MYO1A: variants seen among roughly 807,000 people sequenced by gnomAD.
The protein encoded by MYO1A is myosin IA.
In MYO1A, 127 loss-of-function variants were observed where a neutral mutation model predicts 138.5. The observed-to-expected ratio is 0.92, with a 90% CI of 0.79 to 1.06. MYO1A has a LOEUF of 1.06. Among genes scored for constraint, MYO1A ranks in the 50% least tolerant of loss-of-function variants. The probability of loss-of-function intolerance (pLI) is 0.00; values close to 1 mark genes in which losing one functional copy is unlikely to be tolerated. For missense variants in MYO1A, 1,211 were observed against 1,288.8 expected (o/e 0.94, Z 0.92); for synonymous variants, 477 against 497.5 (o/e 0.96, Z 0.55).
intron 22 of MYO1A, among the ~76,000 whole-genome samples, chr12:57,033,241 T>C (rs2030370153): frequency 6.6e-6 from 1 of 152,222 alleles, no homozygotes; most frequent in Non-Finnish European, 1.5e-5. Context: ...TATAAACTTC[T>C]AAACATGTCC....
At chr12:57,047,916 A>G in intron 3 of MYO1A, 73 bp downstream of exon 3, 1 of 1,570,948 alleles carries the variant, frequency 6.4e-7, no homozygotes, top group Non-Finnish European at 8.7e-7. Context: ...AGGGGAAGGG[A>G]CAAAGGAAAT....
chr12:57,038,866 A>T lies in MYO1A; in HGVS notation c.1476T>A (p.Arg492=). 2 of 1,614,136 alleles carry T rather than the reference A, an allele frequency of 1.2e-6. No homozygotes were observed. Among genetic ancestry groups the T allele is most frequent in the Non-Finnish European group, 1.7e-6 (2 of 1,180,032 alleles). Residue 492 remains arginine, a synonymous_variant, in exon 16 of 28, where the codon CGT becomes CGA. Coordinates refer to ENST00000300119, the MANE Select transcript of MYO1A (RefSeq NM_005379.4). ...TGAGGCCCATGGTGTGGTCATACTGACGCTGGGCATTCTGGGTGACTTTGC... is the reference window on the plus strand; with the variant it reads ...TGAGGCCCATGGTGTGGTCATACTGTCGCTGGGCATTCTGGGTGACTTTGC... ...YESKVTQNAQ[R]QYDHTMGLSC... is the part of the protein sequence containing the mutation.
intron 1 of MYO1A, 101 bp downstream of exon 1, chr12:57,049,786 T>C (rs1041533011): frequency 3.9e-5 from 6 of 152,088 alleles, no homozygotes; most frequent in Admixed American, 1.3e-4. Flanking sequence ...GGAGTGGGAA[T>C]GTGACTGGTT....
rs767694044 is a variant in MYO1A at position 57,037,965 on chromosome 12, C to T, written c.1865G>A (p.Arg622Gln). The T allele has an allele frequency of 2.5e-6, 4 of 1,614,016 alleles. No individual in the cohort carries two copies. The highest frequency in any genetic ancestry group is 2.2e-5 in the East Asian group (1 of 44,890). ...ACCCTGGCGGTGGGCATAGCCTGCC[C>T]GTCGCACCCGTACGTTCTCCAGCAG... ...LGLLENVRVR[R>Q]AGYAHRQGYG... Residue 622 changes from arginine to glutamine, a missense_variant, in exon 18 of 28, where the codon CGG (arginine) becomes CAG (glutamine). Physicochemically the swap from Arg to Gln is conservative, Grantham distance 43 (BLOSUM62 1). Coordinates refer to ENST00000300119, the MANE Select transcript of MYO1A (RefSeq NM_005379.4).
At chr12:57,041,869 A>C (rs1373834062) in intron 12 of MYO1A, among the ~76,000 whole-genome samples, 1 of 152,206 alleles carries the variant, frequency 6.6e-6, no homozygotes, top group African/African-American at 2.4e-5. Flanking sequence ...ACAGATAACA[A>C]AGTCAAATTT....
In MYO1A at chr12:57,041,441, C is replaced by A. The variant is rs61753849; in HGVS notation, c.1155G>T (p.Glu385Asp). ...VMGVLDIYGFEILEDNSFEQF... is the reference protein window; with the variant it reads ...VMGVLDIYGFDILEDNSFEQF... ...GGTGAGGCACTCTCACCTCTAATAT[C>A]TCAAAACCGTAGATATCAAGGACTC... The change falls in exon 13 of 28, where the codon GAG (glutamate) becomes GAT (aspartate). Residue 385 changes from glutamate to aspartate, a missense_variant. Transcript: ENST00000300119. The A allele has an allele frequency of 1.1e-4, 176 of 1,613,446 alleles. No homozygotes were observed. The highest frequency in any genetic ancestry group is 1.4e-4 in the Non-Finnish European group (164 of 1,179,536).
upstream of MYO1A, chr12:57,050,915 C>A (rs2031312653): frequency 1.3e-5 from 2 of 152,198 alleles, 1 homozygote; most frequent in Non-Finnish European, 2.9e-5. Flanking sequence ...GAATGCAGCT[C>A]CCTAAGTTTG....
Position 57,036,351 on chromosome 12 carries a change from A to T in MYO1A, c.2305T>A (p.Ser769Thr). 6.2e-7 allele frequency: 1 copy of T among 1,613,914 alleles called. No individual in the cohort carries two copies. The highest frequency in any genetic ancestry group is 1.3e-5 in the African/African-American group (1 of 75,046). Residue 769 changes from serine (S) to threonine (T), a missense_variant, in exon 22 of 28, where the codon TCA becomes ACA. Coordinates refer to ENST00000300119, the MANE Select transcript of MYO1A (RefSeq NM_005379.4). The stretch of plus-strand genomic sequence containing the variant: ...TCTGCCAAGGTGAGGGCAGCCTCTG[A>T]CCGGAAATATTTGCGATAATTCTTT... ...ARKNYRKYFR[S>T]EAALTLADFI...
In MYO1A at chr12:57,043,369, G is replaced by A. The variant is rs2030950650; in HGVS notation, c.893-11C>T. The A allele has an allele frequency of 1.2e-6, 2 of 1,611,560 alleles. No homozygotes were observed. The highest frequency in any genetic ancestry group is 8.5e-7 in the Non-Finnish European group (1 of 1,177,686). The stretch of plus-strand genomic sequence containing the variant: ...CAATCTCCCGAACACCTGGGATAAT[G>A]AGAAAGTACAGCATGTCCTTAGAGG... On this transcript the variant is annotated splice_polypyrimidine_tract_variant and intron_variant, in intron 10 of 27. Coordinates refer to ENST00000300119, the MANE Select transcript of MYO1A (RefSeq NM_005379.4).
rs1485175400 is a variant in MYO1A, at chr12:57,029,418, C to T, written c.2877+17G>A. 1.2e-6 allele frequency: 2 copies of T among 1,614,134 alleles called. No homozygotes were observed. The highest frequency in any genetic ancestry group is 8.5e-7 in the Non-Finnish European group (1 of 1,180,030). ...CACCTTCTCCAGTCCAAGGCTTGCC[C>T]CACCCAGCTCTGATACCTCACTCAG... On this transcript the variant is annotated intron_variant, in intron 26 of 27. Coordinates refer to ENST00000300119, the MANE Select transcript of MYO1A (RefSeq NM_005379.4).
rs1475166257 is a variant in MYO1A, at chr12:57,029,236, C to T, written c.2901G>A (p.Gly967=). The change falls in exon 27 of 28, where the codon GGG becomes GGA. Residue 967 remains glycine, a synonymous_variant. Coordinates refer to ENST00000300119, the MANE Select transcript of MYO1A (RefSeq NM_005379.4). ...CATGCTCGCTGACCAGCAGGAAGTCCCCCTTGGAGCCCACCGATGACATCT... is the reference window on the plus strand; with the variant it reads ...CATGCTCGCTGACCAGCAGGAAGTCTCCCTTGGAGCCCACCGATGACATCT... ...LSEMSSVGSK[G]DFLLVSEHVI... is the part of the protein sequence containing the mutation. 1 of 1,613,966 alleles carries T rather than the reference C, an allele frequency of 6.2e-7. No homozygotes were observed. The highest frequency in any genetic ancestry group is 1.1e-5 in the South Asian group (1 of 91,060).
Position 57,038,827 on chromosome 12 carries a change from G to A in MYO1A, c.1515C>T (p.Ile505=), listed in dbSNP as rs2030719526. 6.2e-7 allele frequency: 1 copy of A among 1,614,212 alleles called. No homozygotes were observed. Among genetic ancestry groups the A allele is most frequent in the Non-Finnish European group, 8.5e-7 (1 of 1,180,052 alleles). ...ATTTCACCTTGCCCGCATAGTGGCA[G>A]ATGCGGAAGCAGCTGAGGCCCATGG... is the stretch of plus-strand genomic sequence containing the variant. ...DHTMGLSCFR[I]CHYAGKVTYN... The change falls in exon 16 of 28, where the codon ATC becomes ATT. Residue 505 remains isoleucine (I), a synonymous_variant. Coordinates refer to ENST00000300119, the MANE Select transcript of MYO1A (RefSeq NM_005379.4).
At chr12:57,049,800 G>A (rs2031274441) in intron 1 of MYO1A, 87 bp downstream of exon 1, 1 of 152,266 alleles carries the variant, frequency 6.6e-6, no homozygotes, top group Non-Finnish European at 1.5e-5. Context: ...ACTGGTTGAG[G>A]GTGGGGAAGG....
chr12:57,038,779 A>C, intron 16 of MYO1A, 30 bp downstream of exon 16: 4 of 1,613,742 alleles, frequency 2.5e-6, no homozygotes, highest in Non-Finnish European at 3.4e-6. Context: ...CCTGAGCCCT[A>C]ATCTCTGCCC....
At chr12:57,040,912 A>C (rs1395896212) in intron 14 of MYO1A, among the ~76,000 whole-genome samples, 1 of 152,220 alleles carries the variant, frequency 6.6e-6, no homozygotes, top group African/African-American at 2.4e-5. Flanking sequence ...TATTTGGCTC[A>C]CAGTCTGCCA....
chr12:57,041,085 TG>T, intron 14 of MYO1A, 98 bp downstream of exon 14: 1 of 871,506 alleles, frequency 1.1e-6, no homozygotes, highest in Non-Finnish European at 1.9e-6. Flanking sequence ...TGTTCACATC[TG>T]GGGACGATGT....
intron 23 of MYO1A, 121 bp from the exon 24 acceptor site, chr12:57,030,437 G>A: frequency 1.2e-6 from 1 of 800,532 alleles, no homozygotes; most frequent in Non-Finnish European, 2.1e-6. Context: ...AAAAGGACAG[G>A]CACTAGACAC....
intron 27 of MYO1A, 69 bp from the exon 28 acceptor site, chr12:57,028,950 GCCC>G (rs1214345206): frequency 3.1e-6 from 5 of 1,598,064 alleles, no homozygotes; most frequent in Non-Finnish European, 4.3e-6. Flanking sequence ...TTCCATGATG[GCCC>G]CCCCATCATG....
intron 17 of MYO1A, 69 bp from the exon 18 acceptor site, chr12:57,038,138 C>A (rs1248964521): frequency 1.9e-6 from 3 of 1,548,228 alleles, no homozygotes; most frequent in East Asian, 2.2e-5. Flanking sequence ...CCATCATATT[C>A]CCCTATGCTG....
Sources: allele counts gnomAD v4.1 joint callset (sites outside exome capture counted in the v4.1 genomes callset), GRCh38; gene constraint gnomAD v4.1.1; transcripts MANE v1.5; gene names NCBI Gene and HGNC (gene_info 2026-07-23, HGNC 2026-07-21).